Variants in TMEM135 observed in about 807,000 individuals in gnomAD.
The protein encoded by TMEM135 is transmembrane protein 135.
In TMEM135, 30 loss-of-function variants were observed where a neutral mutation model predicts 60.3. The ratio of observed to expected loss-of-function variants is 0.50; its 90% CI spans 0.37 to 0.68. The LOEUF is 0.68. Among genes scored for constraint, TMEM135 ranks in the 30% least tolerant of loss-of-function variants. TMEM135 has a pLI of 0.00. For missense variants in TMEM135, 468 were observed against 548.8 expected (o/e 0.85, Z 1.47); for synonymous variants, 190 against 186.7 (o/e 1.02, Z -0.14).
chr11:87,261,655 G>A (rs556319324), intron 6 of TMEM135, among the ~76,000 whole-genome samples: 5 of 151,228 alleles, frequency 3.3e-5, no homozygotes, highest in South Asian at 2.1e-4. Flanking sequence ...TTTGAGACTC[G>A]CTTTCATTTA....
Position 87,309,656 on chromosome 11 carries a change from T to C in TMEM135, c.920T>C (p.Phe307Ser). The stretch of plus-strand genomic sequence containing the variant: ...CAGCTTGGAGCTTTTCTTGGCTCTT[T>C]TGTTAGTATATACAAGGTAAGGCTT... The part of the protein sequence containing the change: ...NFQLGAFLGS[F>S]VSIYKGTSCF... Residue 307 changes from phenylalanine to serine, a missense_variant, in exon 10 of 15, where the codon TTT becomes TCT. Coordinates refer to ENST00000305494, the MANE Select transcript of TMEM135 (RefSeq NM_022918.4). The C allele has an allele frequency of 6.2e-7, 1 of 1,613,562 alleles. No individual in the cohort carries two copies. Among genetic ancestry groups the C allele is most frequent in the Non-Finnish European group, 8.5e-7 (1 of 1,179,668 alleles).
At chr11:87,040,071 A>G (rs1248695148) in intron 1 of TMEM135, among the ~76,000 whole-genome samples, 1 of 152,218 alleles carries the variant, frequency 6.6e-6, no homozygotes, top group Non-Finnish European at 1.5e-5. Flanking sequence ...ACATCTGTGT[A>G]TTTGAAAATT....
chr11:87,301,102 C>T (rs994223590), intron 7 of TMEM135, among the ~76,000 whole-genome samples: 2 of 152,204 alleles, frequency 1.3e-5, no homozygotes, highest in African/African-American at 4.8e-5. Context: ...CATCTGGTGA[C>T]AAACAAAACC....
At chr11:87,161,960 C>T (rs1031977245) in intron 5 of TMEM135, among the ~76,000 whole-genome samples, 7 of 151,978 alleles carry the variant, frequency 4.6e-5, no homozygotes, top group Admixed American at 1.3e-4. Flanking sequence ...TAAAACTGGC[C>T]GGTATCTCTA....
intron 5 of TMEM135, among the ~76,000 whole-genome samples, chr11:87,225,741 T>C (rs569112506): frequency 3.3e-4 from 50 of 152,200 alleles, no homozygotes; most frequent in African/African-American, 1.1e-3. Flanking sequence ...AGGGGTATAA[T>C]TGAAAGCTTC....
intron 4 of TMEM135, among the ~76,000 whole-genome samples, chr11:87,120,772 G>T (rs938794458): frequency 4.6e-5 from 7 of 152,022 alleles, no homozygotes; most frequent in African/African-American, 1.7e-4. Flanking sequence ...TCTAAATTTT[G>T]TTTGAACTAA....
intron 5 of TMEM135, among the ~76,000 whole-genome samples, chr11:87,212,356 A>C (rs936054352): frequency 6.6e-6 from 1 of 152,180 alleles, no homozygotes; most frequent in African/African-American, 2.4e-5. Context: ...AATGATCAGA[A>C]TTGTTCCCAG....
chr11:87,228,870 T>G (rs1478664674), intron 5 of TMEM135, among the ~76,000 whole-genome samples: 1 of 152,216 alleles, frequency 6.6e-6, no homozygotes, highest in Non-Finnish European at 1.5e-5. Context: ...TTGATATTTC[T>G]GATTATTTTA....
At chr11:87,072,172 C>A (rs560696681) in intron 3 of TMEM135, among the ~76,000 whole-genome samples, 22 of 152,240 alleles carry the variant, frequency 1.4e-4, no homozygotes, top group Non-Finnish European at 2.8e-4. Flanking sequence ...TCAGTCTGGG[C>A]AACAGAGTGA....
intron 6 of TMEM135, among the ~76,000 whole-genome samples, chr11:87,288,465 CAG>C (rs1179210725): frequency 1.3e-5 from 2 of 152,198 alleles, no homozygotes; most frequent in African/African-American, 2.4e-5. Context: ...AACACAAATT[CAG>C]AGTTTTGTTT....
chr11:87,078,315 C>G (rs1856915778), intron 3 of TMEM135, among the ~76,000 whole-genome samples: 1 of 152,168 alleles, frequency 6.6e-6, no homozygotes, highest in Non-Finnish European at 1.5e-5. Context: ...TGATTTTTCT[C>G]AGATGACTAA....
chr11:87,063,936 C>T (rs1456562618), intron 1 of TMEM135, among the ~76,000 whole-genome samples: 1 of 152,102 alleles, frequency 6.6e-6, no homozygotes, highest in Admixed American at 6.5e-5. Flanking sequence ...GACATAAGCA[C>T]TTATTTCTTT....
intron 5 of TMEM135, among the ~76,000 whole-genome samples, chr11:87,227,690 TATG>T (rs1413513263): frequency 2.0e-5 from 3 of 152,144 alleles, no homozygotes; most frequent in African/African-American, 7.2e-5. Context: ...AAGTAAATAT[TATG>T]ATAATGATAT....
intron 1 of TMEM135, among the ~76,000 whole-genome samples, chr11:87,040,061 A>G (rs190452992): frequency 1.3e-4 from 20 of 152,342 alleles, no homozygotes; most frequent in African/African-American, 4.6e-4. Context: ...TTGTACCCTT[A>G]CATCTGTGTA....
chr11:87,067,895 A>G, intron 2 of TMEM135, 74 bp downstream of exon 2: 1 of 1,566,602 alleles, frequency 6.4e-7, no homozygotes, highest in South Asian at 1.1e-5. Context: ...GTGTTTACAT[A>G]AATGTTATGT....
chr11:87,256,769 A>G (rs377512709), intron 6 of TMEM135, among the ~76,000 whole-genome samples: 1 of 152,138 alleles, frequency 6.6e-6, no homozygotes, highest in Non-Finnish European at 1.5e-5. Flanking sequence ...ACAAGTAACT[A>G]CCAGCTTTGT....
At chr11:87,185,861 A>G (rs1233908247) in intron 5 of TMEM135, among the ~76,000 whole-genome samples, 1 of 152,088 alleles carries the variant, frequency 6.6e-6, no homozygotes, top group East Asian at 1.9e-4. Context: ...ATTATTAGGA[A>G]ATCATAGATT....
At chr11:87,240,462 A>G (rs923457406) in intron 6 of TMEM135, among the ~76,000 whole-genome samples, 1 of 152,008 alleles carries the variant, frequency 6.6e-6, no homozygotes, top group Non-Finnish European at 1.5e-5. Context: ...ATATGTATTT[A>G]TGGGCAAAGC....
chr11:87,289,482 T>C, intron 6 of TMEM135, among the ~76,000 whole-genome samples: 1 of 142,966 alleles, frequency 7.0e-6, no homozygotes, highest in Non-Finnish European at 1.5e-5. Context: ...GTAGTTTTGC[T>C]CTGTCACCCA....
Sources: allele counts gnomAD v4.1 joint callset (sites outside exome capture counted in the v4.1 genomes callset), GRCh38; gene constraint gnomAD v4.1.1; transcripts MANE v1.5; gene names NCBI Gene and HGNC (gene_info 2026-07-23, HGNC 2026-07-21).